The following TMEM132D variants were observed in gnomAD, a reference collection of about 807,000 sequenced individuals.
TMEM132D encodes the protein mature OL transmembrane protein.
In TMEM132D, 21 loss-of-function variants were observed where a neutral mutation model predicts 62.3. The ratio of observed to expected loss-of-function variants is 0.34; its 90% CI spans 0.24 to 0.49. The LOEUF (loss-of-function observed/expected upper bound fraction) is 0.49, where lower values mean the gene tolerates loss of function less well. Among genes scored for constraint, TMEM132D ranks in the 20% least tolerant of loss-of-function variants. The probability of loss-of-function intolerance (pLI) is 0.99; values close to 1 mark genes in which losing one functional copy is unlikely to be tolerated. For missense variants in TMEM132D, 1,346 were observed against 1,402.8 expected (o/e 0.96, Z 0.65); for synonymous variants, 621 against 575.6 (o/e 1.08, Z -1.13).
chr12:129,724,813 G>A (rs1205285638), intron 1 of TMEM132D, among the ~76,000 whole-genome samples: 2 of 152,172 alleles, frequency 1.3e-5, no homozygotes, highest in Non-Finnish European at 2.9e-5. Flanking sequence ...ATGAGCCACC[G>A]TGCCTGGCCT....
At chr12:129,375,099 C>T (rs1043230757) in intron 3 of TMEM132D, among the ~76,000 whole-genome samples, 5 of 152,194 alleles carry the variant, frequency 3.3e-5, no homozygotes, top group Admixed American at 6.5e-5. Context: ...CACTCTGCTC[C>T]GGGAACTTGG....
At chr12:129,594,775 G>A (rs758158607) in intron 2 of TMEM132D, among the ~76,000 whole-genome samples, 25 of 152,038 alleles carry the variant, frequency 1.6e-4, no homozygotes, top group Non-Finnish European at 2.4e-4. Flanking sequence ...TATCATCCAC[G>A]GACTCCCCCT....
chr12:129,486,764 C>T (rs369722475), intron 3 of TMEM132D, among the ~76,000 whole-genome samples: 8 of 152,048 alleles, frequency 5.3e-5, no homozygotes, highest in African/African-American at 1.9e-4. Flanking sequence ...TGCTTCCTTC[C>T]CTCCCTCCCT....
At chr12:129,870,174 G>T (rs967118767) in intron 1 of TMEM132D, among the ~76,000 whole-genome samples, 3 of 152,098 alleles carry the variant, frequency 2.0e-5, no homozygotes, top group Non-Finnish European at 4.4e-5. Flanking sequence ...GTAGAGACAT[G>T]GTTTTGCCAT....
chr12:129,254,187 C>T (rs78933627), intron 4 of TMEM132D, among the ~76,000 whole-genome samples: 2,582 of 152,114 alleles, frequency 0.017, 39 homozygotes, highest in Middle Eastern at 0.037. Flanking sequence ...AAGAATACAT[C>T]GGAATCAAAA....
chr12:129,461,707 G>A (rs566651368), intron 3 of TMEM132D, among the ~76,000 whole-genome samples: 178 of 140,980 alleles, frequency 1.3e-3, no homozygotes, highest in Non-Finnish European at 2.3e-3. Flanking sequence ...ATGACTAGGC[G>A]GGAAGGTAGG....
chr12:129,235,314 A>G (rs1472130256), intron 4 of TMEM132D, among the ~76,000 whole-genome samples: 1 of 152,208 alleles, frequency 6.6e-6, no homozygotes, highest in Non-Finnish European at 1.5e-5. Context: ...AACAATCACC[A>G]TAATCCAGAT....
At chr12:129,701,215 G>A (rs1184729544) in intron 1 of TMEM132D, among the ~76,000 whole-genome samples, 2 of 152,268 alleles carry the variant, frequency 1.3e-5, no homozygotes, top group Middle Eastern at 3.4e-3. Context: ...TCATATGCAC[G>A]TTCTGCATAT....
chr12:129,108,277 C>T (rs1875568147), intron 5 of TMEM132D, among the ~76,000 whole-genome samples: 1 of 152,186 alleles, frequency 6.6e-6, no homozygotes, highest in African/African-American at 2.4e-5. Context: ...ATCGTGGCCA[C>T]TGGCTTCTCC....
At chr12:129,799,378 ATATATGTGTATATATACATAT>A (rs1871675824) in intron 1 of TMEM132D, among the ~76,000 whole-genome samples, 1 of 1,486 alleles carries the variant, frequency 6.7e-4, no homozygotes, top group African/African-American at 8.2e-4. Flanking sequence ...ATATGTGTAT[ATATATGTGTATATATACATAT>A]TATATATGTA....
At chr12:129,399,834 T>C (rs1307462328) in intron 3 of TMEM132D, among the ~76,000 whole-genome samples, 1 of 151,886 alleles carries the variant, frequency 6.6e-6, no homozygotes, top group Non-Finnish European at 1.5e-5. Context: ...GGAACAAATA[T>C]ACACTGATGA....
At chr12:129,435,227 A>C (rs571893148) in intron 3 of TMEM132D, among the ~76,000 whole-genome samples, 1 of 152,280 alleles carries the variant, frequency 6.6e-6, no homozygotes, top group South Asian at 2.1e-4. Flanking sequence ...GTTGATGGAC[A>C]CTTAGGTGGT....
intron 1 of TMEM132D, among the ~76,000 whole-genome samples, chr12:129,881,164 C>T (rs1413771936): frequency 6.6e-6 from 1 of 151,790 alleles, no homozygotes; most frequent in African/African-American, 2.4e-5. Context: ...CATAATAATC[C>T]TAAATGTATA....
chr12:129,599,608 G>T (rs1267483318), intron 2 of TMEM132D, among the ~76,000 whole-genome samples: 1 of 152,150 alleles, frequency 6.6e-6, no homozygotes. Context: ...CACATTTTAA[G>T]TGTGTCACAT....
At chr12:129,721,791 C>A (rs1868842166) in intron 1 of TMEM132D, among the ~76,000 whole-genome samples, 2 of 152,186 alleles carry the variant, frequency 1.3e-5, no homozygotes, top group Non-Finnish European at 2.9e-5. Context: ...AGAACCGACC[C>A]CAGCAAATCC....
chr12:129,584,922 T>C (rs545681612), intron 2 of TMEM132D, among the ~76,000 whole-genome samples: 26 of 152,084 alleles, frequency 1.7e-4, no homozygotes, highest in Non-Finnish European at 2.9e-4. Context: ...AGAGCCAGCA[T>C]GGGGTGTTGC....
chr12:129,608,944 C>CT (rs111562077), intron 2 of TMEM132D, among the ~76,000 whole-genome samples: 67,937 of 141,664 alleles, frequency 0.48, 17,011 homozygotes, highest in Non-Finnish European at 0.56. Context: ...TCAAATTGTT[C>CT]TTTTTTTTTT....
intron 1 of TMEM132D, among the ~76,000 whole-genome samples, chr12:129,737,105 C>T (rs1198762146): frequency 6.6e-6 from 1 of 152,114 alleles, no homozygotes; most frequent in Non-Finnish European, 1.5e-5. Context: ...CATGAGCCAC[C>T]GCACCCAGCC....
At chr12:129,897,747 T>C (rs1593203272) in intron 1 of TMEM132D, among the ~76,000 whole-genome samples, 1 of 152,148 alleles carries the variant, frequency 6.6e-6, no homozygotes, top group South Asian at 2.1e-4. Flanking sequence ...TAACATGATG[T>C]TCATTTATTC....
Sources: allele counts gnomAD v4.1 joint callset (sites outside exome capture counted in the v4.1 genomes callset), GRCh38; gene constraint gnomAD v4.1.1; transcripts MANE v1.5; gene names NCBI Gene and HGNC (gene_info 2026-07-23, HGNC 2026-07-21).